Variants in STMN2 observed in about 807,000 individuals in gnomAD.
STMN2 encodes the protein stathmin-2.
Under a neutral mutation model 24.1 loss-of-function variants are expected in STMN2, and 2 were observed. The observed-to-expected ratio is 0.08, with a 90% confidence interval of 0.03 to 0.26. The LOEUF (loss-of-function observed/expected upper bound fraction) is 0.26, where lower values mean the gene tolerates loss of function less well. Ranked by LOEUF, STMN2 falls within the 10% of genes least tolerant of loss-of-function variation. STMN2 has a pLI of 1.00. For missense variants in STMN2, 114 were observed against 213.6 expected, an observed-to-expected ratio of 0.53 and a Z score of 2.91; for synonymous variants, 83 against 77.5, an observed-to-expected ratio of 1.07 and a Z score of -0.37.
intron 1 of STMN2, among the ~76,000 whole-genome samples, chr8:79,614,948 G>C (rs1287266864): frequency 2.0e-5 from 3 of 152,132 alleles, no homozygotes; most frequent in Non-Finnish European, 2.9e-5. Context: ...CTCATTCTCA[G>C]TGATTAAAAA....
intron 3 of STMN2, among the ~76,000 whole-genome samples, chr8:79,641,844 G>A (rs574160001): frequency 1.2e-4 from 18 of 152,102 alleles, no homozygotes; most frequent in South Asian, 2.1e-4. Flanking sequence ...GCCCCTTCCC[G>A]TATATTGAAT....
chr8:79,622,948 G>A (rs1809552535), intron 1 of STMN2, among the ~76,000 whole-genome samples: 2 of 152,048 alleles, frequency 1.3e-5, no homozygotes, highest in Non-Finnish European at 2.9e-5. Context: ...ACCTGACTGT[G>A]CACAATATCT....
intron 1 of STMN2, among the ~76,000 whole-genome samples, chr8:79,624,948 G>A (rs1016830112): frequency 1.3e-5 from 2 of 152,052 alleles, no homozygotes; most frequent in African/African-American, 4.8e-5. Flanking sequence ...CTCTGCTTGA[G>A]CCAGCTACAA....
intron 4 of STMN2, among the ~76,000 whole-genome samples, chr8:79,660,815 C>T (rs1469739035): frequency 6.6e-6 from 1 of 151,932 alleles, no homozygotes; most frequent in Non-Finnish European, 1.5e-5. Flanking sequence ...CCCAACCTTC[C>T]CCCACAAGTC....
intron 3 of STMN2, among the ~76,000 whole-genome samples, chr8:79,653,497 ATCAAC>A (rs1360961032): frequency 6.6e-6 from 1 of 152,202 alleles, no homozygotes; most frequent in African/African-American, 2.4e-5. Flanking sequence ...CCTATTCCTG[ATCAAC>A]TTGAGAATAA....
chr8:79,631,444 T>G, intron 1 of STMN2: 1 of 985,164 alleles, frequency 1.0e-6, no homozygotes, highest in African/African-American at 1.7e-5. Context: ...ATGGGTAGAA[T>G]CTAATTTTAT....
At chr8:79,627,122 G>A (rs1380963372) in intron 1 of STMN2, among the ~76,000 whole-genome samples, 1 of 152,020 alleles carries the variant, frequency 6.6e-6, no homozygotes, top group Non-Finnish European at 1.5e-5. Context: ...TAAAATTTTT[G>A]AAGATATGAG....
intron 1 of STMN2, among the ~76,000 whole-genome samples, chr8:79,629,747 A>G (rs1809754829): frequency 6.6e-6 from 1 of 152,196 alleles, no homozygotes. Flanking sequence ...TGCCTTAAGT[A>G]CAATTTGTAC....
At chr8:79,616,382 T>A (rs1185655363) in intron 1 of STMN2, among the ~76,000 whole-genome samples, 2 of 152,364 alleles carry the variant, frequency 1.3e-5, no homozygotes, top group African/African-American at 2.4e-5. Context: ...GTGGATTTTT[T>A]AAATATGCAT....
In STMN2 at chr8:79,657,330, A is replaced by G. The variant is rs192039462; in HGVS notation, c.480+2268A>G. On this transcript the variant is annotated intron_variant, in intron 4 of 4. Transcript: ENST00000220876. The stretch of plus-strand genomic sequence containing the variant: ...CCAGCCATGCTCAGCTCATTTTTGT[A>G]CTCTTTCCACTCCCAACCAAATTTA... Among the ~76,000 whole-genome samples the G allele has an allele frequency of 2.4e-3, 363 of 151,066 alleles. 3 individuals are homozygous for G. The highest frequency in any genetic ancestry group is 8.3e-3 in the African/African-American group (342 of 41,104).
intron 3 of STMN2, among the ~76,000 whole-genome samples, chr8:79,644,490 AC>A (rs1409287509): frequency 6.6e-6 from 1 of 152,224 alleles, no homozygotes; most frequent in East Asian, 1.9e-4. Flanking sequence ...CCAACCCAGA[AC>A]CAATCATTAT....
At chr8:79,620,219 T>C (rs2130303252) in intron 1 of STMN2, among the ~76,000 whole-genome samples, 1 of 148,248 alleles carries the variant, frequency 6.7e-6, no homozygotes, top group African/African-American at 2.4e-5. Context: ...AAGTTGTGTA[T>C]ATTATTTACC....
At chr8:79,632,328 C>T (rs1450291681) in intron 1 of STMN2, among the ~76,000 whole-genome samples, 1 of 152,166 alleles carries the variant, frequency 6.6e-6, no homozygotes, top group Non-Finnish European at 1.5e-5. Context: ...ATCCTGCATT[C>T]TATAGCATCT....
At position 79,654,996 on chromosome 8, in the gene STMN2, A is replaced by G; in HGVS notation, c.414A>G (p.Lys138=). ...SKMAEEKLIL[K]MEQIKENREA... is the part of the protein sequence containing the mutation. ...TGGCGGAGGAAAAGCTGATCCTGAA[A>G]ATGGAACAAATTAAGGAAAACCGTG... The change falls in exon 4 of 5, where the codon AAA becomes AAG. Residue 138 remains lysine (K), a synonymous_variant. Coordinates refer to ENST00000220876, the MANE Select transcript of STMN2 (RefSeq NM_007029.4). 6.2e-7 allele frequency: 1 copy of G among 1,614,072 alleles called. No homozygotes were observed. The highest frequency in any genetic ancestry group is 8.5e-7 in the Non-Finnish European group (1 of 1,179,952).
intron 4 of STMN2, among the ~76,000 whole-genome samples, chr8:79,659,861 A>C (rs1408196014): frequency 6.9e-6 from 1 of 144,650 alleles, no homozygotes; most frequent in Admixed American, 6.8e-5. Context: ...GACTAAAGAC[A>C]TCTCCAAAAA....
At chr8:79,613,144 C>T (rs1809284414) in intron 1 of STMN2, among the ~76,000 whole-genome samples, 1 of 152,022 alleles carries the variant, frequency 6.6e-6, no homozygotes, top group Admixed American at 6.5e-5. Flanking sequence ...GGCTTTTTTT[C>T]CCCCAGCCCA....
chr8:79,651,916 A>G (rs896451080), intron 3 of STMN2, among the ~76,000 whole-genome samples: 1 of 152,164 alleles, frequency 6.6e-6, no homozygotes, highest in Non-Finnish European at 1.5e-5. Flanking sequence ...ACTTGAAAAA[A>G]GTGGCCATTA....
intron 4 of STMN2, among the ~76,000 whole-genome samples, chr8:79,659,390 G>A (rs1806449470): frequency 1.3e-5 from 2 of 152,166 alleles, no homozygotes; most frequent in South Asian, 4.2e-4. Context: ...GGGAAGAGAG[G>A]AAGATGAGAG....
At chr8:79,664,745 A>G in intron 4 of STMN2, 70 bp from the exon 5 acceptor site, 1 of 1,504,398 alleles carries the variant, frequency 6.6e-7, no homozygotes, top group Non-Finnish European at 9.1e-7. Context: ...ACTTCTAGTC[A>G]AGCGCATGGT....
Sources: allele counts gnomAD v4.1 joint callset (sites outside exome capture counted in the v4.1 genomes callset), GRCh38; gene constraint gnomAD v4.1.1; transcripts MANE v1.5; gene names NCBI Gene and HGNC (gene_info 2026-07-23, HGNC 2026-07-21).